The following RORB variants were observed in gnomAD, a reference collection of about 807,000 sequenced individuals.
The protein encoded by RORB is nuclear receptor ROR-beta.
RORB carries 6 observed loss-of-function variants against 59.1 expected under a neutral mutation model. The observed-to-expected ratio is 0.10, with a 90% CI of 0.06 to 0.20. The LOEUF (loss-of-function observed/expected upper bound fraction) is 0.20. Among genes scored for constraint, RORB ranks in the 10% least tolerant of loss-of-function variants. The pLI, the probability that RORB is intolerant of heterozygous loss-of-function variation, is 1.00. For synonymous variants in RORB, 215 were observed against 204.5 expected, an observed-to-expected ratio of 1.05 and a Z score of -0.44; for missense variants, 320 against 560.5, an observed-to-expected ratio of 0.57 and a Z score of 4.33.
At chr9:74,518,554 C>T (rs755367193) in intron 1 of RORB, among the ~76,000 whole-genome samples, 3 of 151,898 alleles carry the variant, frequency 2.0e-5, no homozygotes, top group African/African-American at 2.4e-5. Flanking sequence ...ATGCAGCCTG[C>T]GCAAGTCACC....
chr9:74,576,010 A>G (rs1323298613), intron 1 of RORB, among the ~76,000 whole-genome samples: 1 of 152,138 alleles, frequency 6.6e-6, no homozygotes, highest in Non-Finnish European at 1.5e-5. Context: ...GCCAAACCAA[A>G]GGAGTGTGTT....
intron 1 of RORB, among the ~76,000 whole-genome samples, chr9:74,612,912 AAGTT>A (rs1563952715): frequency 6.6e-6 from 1 of 152,218 alleles, no homozygotes; most frequent in East Asian, 1.9e-4. Flanking sequence ...CAGATCTTCT[AAGTT>A]AGAATTTTAT....
intron 4 of RORB, among the ~76,000 whole-genome samples, chr9:74,659,822 G>A (rs1432987036): frequency 6.6e-6 from 1 of 152,144 alleles, no homozygotes; most frequent in African/African-American, 2.4e-5. Flanking sequence ...GATACAATGT[G>A]AAATACAACT....
intron 1 of RORB, among the ~76,000 whole-genome samples, chr9:74,563,252 C>A (rs1166969513): frequency 6.9e-6 from 1 of 145,110 alleles, no homozygotes; most frequent in African/African-American, 2.6e-5. Flanking sequence ...GTAGCACAAT[C>A]TCGGCTCACT....
chr9:74,559,214 A>G (rs1291406759), intron 1 of RORB, among the ~76,000 whole-genome samples: 4 of 152,160 alleles, frequency 2.6e-5, no homozygotes, highest in African/African-American at 9.7e-5. Flanking sequence ...ATATTTCCCA[A>G]TATTTCCTTG....
intron 1 of RORB, among the ~76,000 whole-genome samples, chr9:74,551,734 A>G (rs1826611696): frequency 2.0e-5 from 3 of 152,344 alleles, no homozygotes; most frequent in South Asian, 4.1e-4. Flanking sequence ...TTCATAGTGT[A>G]CATGGAAATA....
At position 74,688,964 on chromosome 9, in the gene RORB, G is replaced by A. The variant is rs1298581952; in HGVS notation, c.*3346G>A. On this transcript the variant is annotated 3_prime_UTR_variant, in exon 10 of 10. Transcript: ENST00000376896. ...TGAAACCGGGTGAATTCAAACTTCA[G>A]TGTATTTGTGGTCCATAAAAAGAAA... 1 of 152,192 alleles carries A rather than the reference G, an allele frequency of 6.6e-6. No homozygotes were observed. Among genetic ancestry groups the A allele is most frequent in the Non-Finnish European group, 1.5e-5 (1 of 68,038 alleles). 9.4% of individuals were successfully genotyped at this position (152,192 alleles called of 1,614,324 possible). A position where few individuals can be genotyped will look rare whatever the true frequency, so the allele number is the denominator to read the frequency against.
chr9:74,512,297 C>G (rs907695452), intron 1 of RORB, among the ~76,000 whole-genome samples: 1 of 152,138 alleles, frequency 6.6e-6, no homozygotes, highest in Non-Finnish European at 1.5e-5. Context: ...TCTCAAAATA[C>G]AAGATGAATG....
chr9:74,605,976 A>C (rs916755892), intron 1 of RORB, among the ~76,000 whole-genome samples: 17 of 152,204 alleles, frequency 1.1e-4, no homozygotes, highest in African/African-American at 4.8e-5. Context: ...CAGGAGCAGG[A>C]GGTGGTACTG....
In RORB at chr9:74,546,365, A is replaced by G. The variant is rs193105900; in HGVS notation, c.7+48382A>G. Among the ~76,000 whole-genome samples the G allele has an allele frequency of 3.3e-5, 5 of 152,304 alleles. No individual in the cohort carries two copies. In the East Asian group the frequency reaches 9.6e-4, roughly 29 times the overall value. On this transcript the variant is annotated intron_variant, in intron 1 of 9. Transcript: ENST00000376896. Reference sequence around the variant, plus strand: ...AGTAAGAAAAGAGATCAGGGTTGACATGAGACCTTGGAGGATTGTCTGGCT... The same window carrying G: ...AGTAAGAAAAGAGATCAGGGTTGACGTGAGACCTTGGAGGATTGTCTGGCT...
chr9:74,652,854 A>T (rs2118490887), intron 4 of RORB, among the ~76,000 whole-genome samples: 1 of 152,340 alleles, frequency 6.6e-6, no homozygotes, highest in African/African-American at 2.4e-5. Flanking sequence ...CTGCTTAAAA[A>T]AACTTGAGGA....
At chr9:74,679,058 C>A (rs187641582) in intron 9 of RORB, among the ~76,000 whole-genome samples, 12,985 of 137,098 alleles carry the variant, frequency 0.095, 755 homozygotes, top group African/African-American at 0.17. Flanking sequence ...AACAAACAAA[C>A]AAAAAAAAAA....
At chr9:74,593,466 T>TA (rs11343707) in intron 1 of RORB, among the ~76,000 whole-genome samples, 36,449 of 124,532 alleles carry the variant, frequency 0.29, 5,138 homozygotes, top group Non-Finnish European at 0.34. Context: ...AAACTCCATC[T>TA]AAAAAAAAAA....
At chr9:74,668,968 C>CT (rs1353465412) in intron 8 of RORB, among the ~76,000 whole-genome samples, 1 of 152,148 alleles carries the variant, frequency 6.6e-6, no homozygotes, top group Non-Finnish European at 1.5e-5. Flanking sequence ...GGTGGACATT[C>CT]TGGTGCCAGC....
intron 1 of RORB, among the ~76,000 whole-genome samples, chr9:74,566,608 C>A (rs1822473545): frequency 6.6e-6 from 1 of 152,038 alleles, no homozygotes; most frequent in Non-Finnish European, 1.5e-5. Flanking sequence ...ACTAGCCTGG[C>A]CAACATGGTG....
At chr9:74,508,473 T>C (rs10869409) in intron 1 of RORB, among the ~76,000 whole-genome samples, 45,238 of 151,884 alleles carry the variant, frequency 0.3, 7,084 homozygotes, top group Admixed American at 0.39. Context: ...AAAGGTTGTC[T>C]AACATGGTTG....
intron 1 of RORB, among the ~76,000 whole-genome samples, chr9:74,518,407 A>G (rs146750369): frequency 8.5e-5 from 13 of 152,160 alleles, no homozygotes; most frequent in African/African-American, 2.2e-4. Context: ...ATTTGAGAAC[A>G]TGTGGTTCAC....
At chr9:74,564,854 G>T (rs1822446071) in intron 1 of RORB, among the ~76,000 whole-genome samples, 1 of 152,152 alleles carries the variant, frequency 6.6e-6, no homozygotes, top group Admixed American at 6.5e-5. Context: ...TTTTTAAAAG[G>T]TGTAAAGAGG....
intron 1 of RORB, among the ~76,000 whole-genome samples, chr9:74,618,533 G>A (rs571807103): frequency 1.3e-4 from 20 of 152,082 alleles, no homozygotes; most frequent in Non-Finnish European, 2.5e-4. Flanking sequence ...TTTCTCTGCC[G>A]TCCTGGCTCG....
Sources: gnomAD v4.1 joint callset for allele counts (sites outside exome capture counted in the v4.1 genomes callset) on GRCh38, gnomAD v4.1.1 for gene constraint, MANE v1.5 for transcripts, NCBI Gene and HGNC (gene_info 2026-07-23, HGNC 2026-07-21) for gene names.